The following PPP1R9A variants were observed in gnomAD, a reference collection of about 807,000 sequenced individuals.
PPP1R9A encodes neurabin-1.
A neutral mutation model predicts 141.9 loss-of-function variants in PPP1R9A; 59 were observed. The observed-to-expected ratio is 0.42, with a 90% CI of 0.34 to 0.52. The LOEUF (loss-of-function observed/expected upper bound fraction) is 0.52. Ranked by LOEUF, PPP1R9A falls within the 20% of genes least tolerant of loss-of-function variation. The pLI, the probability that PPP1R9A is intolerant of heterozygous loss-of-function variation, is 0.10. For missense variants in PPP1R9A, 1,444 were observed against 1,611.9 expected (o/e 0.90, Z 1.78); for synonymous variants, 500 against 569.7 (o/e 0.88, Z 1.74).
intron 2 of PPP1R9A, among the ~76,000 whole-genome samples, chr7:95,104,781 T>C (rs945263960): frequency 3.9e-5 from 6 of 152,230 alleles, no homozygotes; most frequent in African/African-American, 9.6e-5. Flanking sequence ...TTTGTGAGGC[T>C]TGCCAGGTTG....
intron 2 of PPP1R9A, among the ~76,000 whole-genome samples, chr7:94,992,745 CT>C (rs945973199): frequency 2.0e-5 from 3 of 151,712 alleles, no homozygotes; most frequent in African/African-American, 7.3e-5. Context: ...TTTTTATTGC[CT>C]TTTTTTGCAA....
chr7:95,161,112 G>A (rs754613987), intron 4 of PPP1R9A, among the ~76,000 whole-genome samples: 52 of 152,092 alleles, frequency 3.4e-4, no homozygotes, highest in African/African-American at 7.2e-5. Context: ...TTCCACAGTG[G>A]CTGAACTAAT....
At position 94,964,159 on chromosome 7, in the gene PPP1R9A, A is replaced by G. The variant is rs144630587; in HGVS notation, c.1395+52651A>G. Among the ~76,000 whole-genome samples the G allele has an allele frequency of 2.6e-4, 40 of 152,244 alleles. No individual in the cohort carries two copies. In the East Asian group the frequency reaches 5.8e-3, roughly 22 times the overall value. ...TGAATTTCTGGGTTAGGGTTGCCCA[A>G]ACTGTACCATATTTTATTTATCCAT... On this transcript the variant is annotated intron_variant, in intron 2 of 19. Coordinates refer to ENST00000433360, the MANE Select transcript of PPP1R9A (RefSeq NM_001166160.2).
intron 9 of PPP1R9A, among the ~76,000 whole-genome samples, chr7:95,248,271 C>G (rs752009050): frequency 8.7e-5 from 13 of 149,586 alleles, no homozygotes; most frequent in Non-Finnish European, 1.9e-4. Context: ...ATTACCCTCC[C>G]CCGCCCCCAA....
chr7:95,283,940 T>TGGG (rs1804770409), intron 16 of PPP1R9A, 78 bp from the exon 17 acceptor site: 1 of 1,242,850 alleles, frequency 8.0e-7, no homozygotes, highest in Non-Finnish European at 1.1e-6. Context: ...CTTCAAACTA[T>TGGG]ATTCAGAGTC....
At chr7:94,998,667 A>T (rs575808613) in intron 2 of PPP1R9A, among the ~76,000 whole-genome samples, 50 of 152,324 alleles carry the variant, frequency 3.3e-4, no homozygotes, top group Non-Finnish European at 5.6e-4. Flanking sequence ...AATCCAGTCC[A>T]ACATTTGGTT....
intron 4 of PPP1R9A, among the ~76,000 whole-genome samples, chr7:95,144,564 A>G (rs997446696): frequency 6.6e-6 from 1 of 152,156 alleles, no homozygotes; most frequent in African/African-American, 2.4e-5. Context: ...AGGAACCTCT[A>G]TGTTGTTTTC....
chr7:95,190,815 C>T (rs548012879), intron 5 of PPP1R9A, among the ~76,000 whole-genome samples: 1 of 152,282 alleles, frequency 6.6e-6, no homozygotes, highest in South Asian at 2.1e-4. Flanking sequence ...ATTGTGAGTC[C>T]CCACACATTG....
chr7:95,063,982 G>A (rs1199398249), intron 2 of PPP1R9A, among the ~76,000 whole-genome samples: 1 of 152,068 alleles, frequency 6.6e-6, no homozygotes, highest in African/African-American at 2.4e-5. Context: ...TAAAAATGGG[G>A]ACTTTTGAGA....
chr7:95,185,519 G>A (rs1471309638), intron 5 of PPP1R9A, among the ~76,000 whole-genome samples: 5 of 152,062 alleles, frequency 3.3e-5, no homozygotes, highest in African/African-American at 1.2e-4. Flanking sequence ...CTGTGCAGAA[G>A]CTTTTTAGTT....
At chr7:95,022,038 C>T (rs1480792085) in intron 2 of PPP1R9A, among the ~76,000 whole-genome samples, 7 of 152,070 alleles carry the variant, frequency 4.6e-5, no homozygotes, top group Non-Finnish European at 8.8e-5. Flanking sequence ...GGGAATCACA[C>T]TGAATCTATA....
chr7:95,147,959 T>C lies in PPP1R9A; in HGVS notation c.1650-13908T>C, dbSNP rs529976949. Among the ~76,000 whole-genome samples the C allele has an allele frequency of 3.0e-3, 459 of 152,318 alleles. 4 individuals are homozygous for C. The highest frequency in any genetic ancestry group is 0.01 in the African/African-American group (436 of 41,580). ...CAGGGATATTGGCCTGAAATTTTCT[T>C]TTTTTGTTGTGAAGAGTCATTTTTT... On this transcript the variant is annotated intron_variant, in intron 4 of 19. Coordinates refer to ENST00000433360, the MANE Select transcript of PPP1R9A (RefSeq NM_001166160.2).
chr7:95,111,941 C>A (rs192934167), intron 3 of PPP1R9A, among the ~76,000 whole-genome samples: 1 of 152,040 alleles, frequency 6.6e-6, no homozygotes, highest in Non-Finnish European at 1.5e-5. Flanking sequence ...TAACTGCTGA[C>A]CCGTGGGATC....
chr7:95,072,833 AATAATTAT>A (rs1814136684), intron 2 of PPP1R9A, among the ~76,000 whole-genome samples: 2 of 56,106 alleles, frequency 3.6e-5, no homozygotes, highest in East Asian at 4.8e-4. Context: ...TTATATATAT[AATAATTAT>A]TATATATAAT....
chr7:95,197,626 T>G (rs1474699107), intron 5 of PPP1R9A, among the ~76,000 whole-genome samples: 2 of 152,118 alleles, frequency 1.3e-5, no homozygotes, highest in Non-Finnish European at 2.9e-5. Context: ...CCACCTGAGT[T>G]ATGCTATGCG....
At chr7:95,079,958 A>G (rs1434225966) in intron 2 of PPP1R9A, among the ~76,000 whole-genome samples, 2 of 152,204 alleles carry the variant, frequency 1.3e-5, no homozygotes, top group Non-Finnish European at 2.9e-5. Flanking sequence ...AGAGCTATCT[A>G]TGACAAACCC....
At chr7:95,185,340 A>G (rs1834480240) in intron 5 of PPP1R9A, among the ~76,000 whole-genome samples, 1 of 150,762 alleles carries the variant, frequency 6.6e-6, no homozygotes, top group Non-Finnish European at 1.5e-5. Context: ...CTTCTTTGAG[A>G]ACTGTCTATT....
chr7:95,093,806 C>G (rs556980225), intron 2 of PPP1R9A, among the ~76,000 whole-genome samples: 2 of 152,194 alleles, frequency 1.3e-5, no homozygotes, highest in African/African-American at 4.8e-5. Context: ...CATAAGACTT[C>G]TTTGTTTTGA....
intron 2 of PPP1R9A, among the ~76,000 whole-genome samples, chr7:94,949,103 C>A (rs553568086): frequency 6.6e-6 from 1 of 152,240 alleles, no homozygotes; most frequent in African/African-American, 2.4e-5. Context: ...TTAAAACTGA[C>A]AAATGTATTA....
Sources: allele counts gnomAD v4.1 joint callset (sites outside exome capture counted in the v4.1 genomes callset), GRCh38; gene constraint gnomAD v4.1.1; transcripts MANE v1.5; gene names NCBI Gene and HGNC (gene_info 2026-07-23, HGNC 2026-07-21).